Variants in ENPP6 observed in about 807,000 individuals in gnomAD.
ENPP6 encodes the protein ectonucleotide pyrophosphatase/phosphodiesterase 6.
In ENPP6, 32 loss-of-function variants were observed where a neutral mutation model predicts 42.0. That is an observed-to-expected ratio of 0.76 (90% CI 0.58 to 1.02). ENPP6 has a LOEUF of 1.02. Ranked by LOEUF, ENPP6 falls within the 50% of genes least tolerant of loss-of-function variation. The pLI is 0.00. For missense variants in ENPP6, 552 were observed against 566.8 expected, an observed-to-expected ratio of 0.97 and a Z score of 0.27; for synonymous variants, 213 against 216.0, an observed-to-expected ratio of 0.99 and a Z score of 0.12.
chr4:184,201,415 G>A (rs1002979517), intron 1 of ENPP6, among the ~76,000 whole-genome samples: 11 of 151,876 alleles, frequency 7.2e-5, no homozygotes, highest in East Asian at 2.0e-4. Context: ...GAGGCGGGGC[G>A]GGGGGGTGTT....
intron 3 of ENPP6, among the ~76,000 whole-genome samples, chr4:184,123,196 C>T (rs1172417974): frequency 2.6e-5 from 4 of 152,096 alleles, no homozygotes; most frequent in South Asian, 4.1e-4. Context: ...ACCATGGCAT[C>T]GGAAGGGCGT....
rs111940011 is a variant in ENPP6, at chr4:184,122,575, C to T, written c.533+1586G>A. 5.2e-3 allele frequency among the ~76,000 whole-genome samples: 789 copies of T among 152,284 alleles called. 11 individuals are homozygous for T. The highest frequency in any genetic ancestry group is 0.018 in the African/African-American group (743 of 41,550). The stretch of plus-strand genomic sequence containing the variant: ...GACAGGGAAGTCTGCTTAGACTGGC[C>T]GGTGCCAACCTGCACTGGCACTGCT... On this transcript the variant is annotated intron_variant, in intron 3 of 7. Transcript: ENST00000296741.
intron 1 of ENPP6, among the ~76,000 whole-genome samples, chr4:184,208,909 C>T (rs1247962757): frequency 1.1e-4 from 16 of 144,576 alleles, no homozygotes; most frequent in South Asian, 9.0e-4. Flanking sequence ...AGACTGCCTC[C>T]TCAAGTGGGT....
At chr4:184,168,900 C>T (rs563944259) in intron 1 of ENPP6, among the ~76,000 whole-genome samples, 1 of 152,192 alleles carries the variant, frequency 6.6e-6, no homozygotes, top group East Asian at 1.9e-4. Flanking sequence ...CGTGCTGTGC[C>T]CCCCGCTTCC....
In ENPP6 at chr4:184,117,870, G is replaced by T; in HGVS notation, c.564C>A (p.Tyr188Ter). The stretch of plus-strand genomic sequence containing the variant: ...GGCCTTCCACGTCAATGCGCTCATG[G>T]TATATGGCTGCCAGGTCGGCCCGGC... ...KSGRADLAAI[Y>*]HERIDVEGHH... Residue 188 changes from tyrosine (Y) to a stop codon, truncating the protein, a stop_gained, in exon 4 of 8, where the codon TAC becomes TAA. Coordinates refer to ENST00000296741, the MANE Select transcript of ENPP6 (RefSeq NM_153343.4). LOFTEE classifies it high-confidence loss of function. 1 of 1,614,224 alleles carries T rather than the reference G, an allele frequency of 6.2e-7. No homozygotes were observed. Among genetic ancestry groups the T allele is most frequent in the Non-Finnish European group, 8.5e-7 (1 of 1,180,048 alleles).
At chr4:184,214,200 C>T (rs1204973568) in intron 1 of ENPP6, among the ~76,000 whole-genome samples, 1 of 149,364 alleles carries the variant, frequency 6.7e-6, no homozygotes, top group Non-Finnish European at 1.5e-5. Flanking sequence ...TGTAACTAAC[C>T]TGCACAATGT....
At chr4:184,144,249 T>C (rs935879629) in intron 2 of ENPP6, among the ~76,000 whole-genome samples, 25 of 152,216 alleles carry the variant, frequency 1.6e-4, no homozygotes, top group African/African-American at 6.0e-4. Flanking sequence ...GGAGCCCTCT[T>C]CGTTACTTTG....
rs551669738 is a variant in ENPP6, at chr4:184,091,159, G to C, written c.*18C>G. ...CTTTGCTGATGGTGTTTTTTTCTGA[G>C]ACAAGCAATATGATCAGTTATGCAA... On this transcript the variant is annotated 3_prime_UTR_variant, in exon 8 of 8. Coordinates refer to ENST00000296741, the MANE Select transcript of ENPP6 (RefSeq NM_153343.4). 2.5e-5 allele frequency: 38 copies of C among 1,503,882 alleles called. 1 individual carries two copies. In the South Asian group the frequency reaches 5.2e-4, roughly 20 times the overall value. 93.2% of individuals were successfully genotyped at this position (1,503,882 alleles called of 1,614,324 possible).
intron 1 of ENPP6, among the ~76,000 whole-genome samples, chr4:184,157,457 TCTTTCTTTCCTTCCTTTC>T (rs202037393): frequency 2.6e-4 from 40 of 151,742 alleles, no homozygotes; most frequent in Admixed American, 4.0e-4. Flanking sequence ...TCTTTCTCTC[TCTTTCTTTCCTTCCTTTC>T]CTTTCTTTCC....
rs57589024 is a variant in ENPP6 at position 184,089,482 on chromosome 4, TG to T, written c.*1694del. ...AAACTTTTTTTTTCTTTCTATTTTT[TG>T]GGGGGGGTGGAGGATGGGGTCTTGC... On this transcript the variant is annotated 3_prime_UTR_variant, in exon 8 of 8. Coordinates refer to ENST00000296741, the MANE Select transcript of ENPP6 (RefSeq NM_153343.4). 0.53 allele frequency: 79,475 copies of T among 151,230 alleles called. 21,750 individuals carry two copies. Among genetic ancestry groups the T allele is most frequent in the Non-Finnish European group, 0.61 (41,722 of 67,936 alleles). The allele number at this position is 151,230 out of a possible 1,614,324, so 9.4% of individuals were successfully genotyped here.
At chr4:184,117,622 AG>A in intron 4 of ENPP6, 136 bp downstream of exon 4, 1 of 1,290,898 alleles carries the variant, frequency 7.7e-7, no homozygotes. Context: ...TGTGAAGCCA[AG>A]GGACTCGTCA....
intron 1 of ENPP6, among the ~76,000 whole-genome samples, chr4:184,190,001 A>G (rs1732692355): frequency 6.6e-6 from 1 of 152,266 alleles, no homozygotes; most frequent in Non-Finnish European, 1.5e-5. Context: ...TGGCAGAAGC[A>G]TTGCCTTTTT....
At chr4:184,091,861 A>C (rs1427276944) in intron 7 of ENPP6, among the ~76,000 whole-genome samples, 2 of 152,136 alleles carry the variant, frequency 1.3e-5, no homozygotes, top group Non-Finnish European at 2.9e-5. Flanking sequence ...GTGCCACTGT[A>C]CTCCAGCCTG....
chr4:184,124,189 C>T lies in ENPP6; in HGVS notation c.505G>A (p.Ala169Thr). Reference protein sequence around the residue: ...NVPTDINFANAVSDALDSFKS... With the variant: ...NVPTDINFANTVSDALDSFKS... ...AAGGAGTCAAGAGCATCGCTGACTG[C>T]ATTGGCAAAATTGATATCCGTTGGG... is the stretch of plus-strand genomic sequence containing the variant. Residue 169 changes from alanine to threonine, a missense_variant, in exon 3 of 8, where the codon GCA becomes ACA. Ala to Thr is a moderately conservative substitution (Grantham distance 58). Transcript: ENST00000296741. 1.9e-6 allele frequency: 3 copies of T among 1,613,960 alleles called. No homozygotes were observed. Among genetic ancestry groups the T allele is most frequent in the Non-Finnish European group, 2.5e-6 (3 of 1,179,902 alleles).
chr4:184,196,286 TCTATC>T (rs1732793917), intron 1 of ENPP6, among the ~76,000 whole-genome samples: 1 of 152,256 alleles, frequency 6.6e-6, no homozygotes, highest in Non-Finnish European at 1.5e-5. Context: ...CTGTGCCTGT[TCTATC>T]CTGTACGACG....
chr4:184,152,406 G>A (rs1249404792), intron 2 of ENPP6, among the ~76,000 whole-genome samples: 1 of 146,844 alleles, frequency 6.8e-6, no homozygotes, highest in South Asian at 2.2e-4. Context: ...ACAACCCACC[G>A]CCCACTCACA....
chr4:184,208,726 G>C (rs113891901), intron 1 of ENPP6, among the ~76,000 whole-genome samples: 2 of 147,486 alleles, frequency 1.4e-5, no homozygotes, highest in Non-Finnish European at 3.0e-5. Flanking sequence ...CTCGAACTGG[G>C]TGGAGCCCAC....
intron 1 of ENPP6, among the ~76,000 whole-genome samples, chr4:184,154,125 G>A (rs769660274): frequency 1.3e-5 from 2 of 152,144 alleles, no homozygotes; most frequent in East Asian, 1.9e-4. Context: ...CCCTCCTCCC[G>A]TGAGATCAGC....
intron 1 of ENPP6, among the ~76,000 whole-genome samples, chr4:184,189,306 C>T (rs1732682717): frequency 6.6e-6 from 1 of 152,168 alleles, no homozygotes; most frequent in South Asian, 2.1e-4. Context: ...CTTTGTCCCT[C>T]AGGGAAACTG....
Sources: allele counts gnomAD v4.1 joint callset (sites outside exome capture counted in the v4.1 genomes callset), GRCh38; gene constraint gnomAD v4.1.1; transcripts MANE v1.5; gene names NCBI Gene and HGNC (gene_info 2026-07-23, HGNC 2026-07-21).